Variants in PYY observed in about 807,000 individuals in gnomAD.
The protein encoded by PYY is peptide YY.
Under a neutral mutation model 10.3 loss-of-function variants are expected in PYY, and 12 were observed. The ratio of observed to expected loss-of-function variants is 1.17; its 90% confidence interval spans 0.75 to 1.89. PYY has a LOEUF of 1.89. PYY is among the 40% of genes most tolerant of loss of function. PYY has a pLI of 0.00. For missense variants in PYY, 141 were observed against 134.0 expected (o/e 1.05, Z -0.26); for synonymous variants, 66 against 62.0 (o/e 1.06, Z -0.30).
At chr17:44,002,702 T>C (rs2049036904) in intron 1 of PYY, among the ~76,000 whole-genome samples, 1 of 152,262 alleles carries the variant, frequency 6.6e-6, no homozygotes, top group African/African-American at 2.4e-5. Flanking sequence ...GCTCCACGGC[T>C]TGTGAGCTGA....
chr17:43,957,238 A>G (rs1241599452), upstream of PYY, among the ~76,000 whole-genome samples: 1 of 152,022 alleles, frequency 6.6e-6, no homozygotes, highest in Non-Finnish European at 1.5e-5. Context: ...CTCATTCAAC[A>G]AGCACTTAAG....
At chr17:43,965,190 T>C (rs2048745761) in intron 2 of PYY, among the ~76,000 whole-genome samples, 1 of 152,116 alleles carries the variant, frequency 6.6e-6, no homozygotes, top group Non-Finnish European at 1.5e-5. Context: ...AAATAAAAAT[T>C]GTATATATGG....
rs575209234 is a variant in PYY at position 43,964,421 on chromosome 17, A to G, written c.-218+1867T>C. Reference sequence around the variant, plus strand: ...CCAAAATGACTAGAAAAACATTGACATAAGGCCTGGTGATGAGCATTAAGT... The same window carrying G: ...CCAAAATGACTAGAAAAACATTGACGTAAGGCCTGGTGATGAGCATTAAGT... On this transcript the variant is annotated intron_variant, in intron 2 of 6. Transcript: ENST00000360085. Among the ~76,000 whole-genome samples, 182 of 152,346 alleles carry G rather than the reference A, an allele frequency of 1.2e-3. 1 individual carries two copies. The highest frequency in any genetic ancestry group is 4.0e-3 in the African/African-American group (168 of 41,598).
chr17:43,986,446 G>A (rs2048916580), intron 1 of PYY, among the ~76,000 whole-genome samples: 1 of 151,584 alleles, frequency 6.6e-6, no homozygotes, highest in Non-Finnish European at 1.5e-5. Flanking sequence ...CCCAAGACTG[G>A]GTCATGTGGC....
At chr17:43,982,789 C>A (rs112019517) in intron 1 of PYY, among the ~76,000 whole-genome samples, 1 of 152,212 alleles carries the variant, frequency 6.6e-6, no homozygotes. Context: ...CTGTGTTCAA[C>A]GGGCTGCTCC....
intron 2 of PYY, among the ~76,000 whole-genome samples, chr17:43,965,816 A>AAAAAGAG (rs1555617405): frequency 4.2e-5 from 6 of 142,612 alleles, no homozygotes; most frequent in African/African-American, 1.5e-4. Context: ...AAAAAAAAAA[A>AAAAAGAG]AGAGAGAGAA....
At chr17:43,997,043 TTTTTG>T (rs2048996723) in intron 1 of PYY, among the ~76,000 whole-genome samples, 1 of 151,482 alleles carries the variant, frequency 6.6e-6, no homozygotes, top group East Asian at 1.9e-4. Context: ...GTTTGGTTGT[TTTTTG>T]TTTTGTTTTG....
intron 1 of PYY, among the ~76,000 whole-genome samples, chr17:43,989,291 G>A (rs1198122835): frequency 6.6e-6 from 1 of 151,884 alleles, no homozygotes; most frequent in Non-Finnish European, 1.5e-5. Context: ...GGAGAATGGT[G>A]TGAACCCAGG....
intron 1 of PYY, among the ~76,000 whole-genome samples, chr17:43,992,123 G>GAAAA (rs11396568): frequency 6.6e-5 from 8 of 120,508 alleles, no homozygotes; most frequent in Non-Finnish European, 1.1e-4. Context: ...CTGTCTCAAA[G>GAAAA]AAAAAAAAAA....
intron 1 of PYY, among the ~76,000 whole-genome samples, chr17:43,979,403 C>T (rs1161232137): frequency 1.3e-5 from 2 of 152,164 alleles, no homozygotes; most frequent in African/African-American, 4.8e-5. Context: ...ACCGATAAAA[C>T]ATCAGGGAAG....
chr17:43,963,102 A>G (rs1209796480), intron 2 of PYY, among the ~76,000 whole-genome samples: 1 of 152,242 alleles, frequency 6.6e-6, no homozygotes, highest in Admixed American at 6.5e-5. Context: ...TTGTGAAGTT[A>G]GAAAAACTCT....
chr17:43,999,026 G>A (rs1055727045), intron 1 of PYY, among the ~76,000 whole-genome samples: 15 of 152,152 alleles, frequency 9.9e-5, no homozygotes, highest in African/African-American at 3.4e-4. Context: ...GATCCCGAGA[G>A]AGAGAAAGTA....
intron 1 of PYY, among the ~76,000 whole-genome samples, chr17:43,980,409 C>A (rs2048875203): frequency 6.7e-6 from 1 of 150,246 alleles, no homozygotes; most frequent in Non-Finnish European, 1.5e-5. Context: ...GGTGATACGC[C>A]CGCCTCGGCC....
rs1169591671 is a variant in PYY at position 43,987,947 on chromosome 17, G to A, written c.-463+16444C>T. Among the ~76,000 whole-genome samples, 5 of 152,142 alleles carry A rather than the reference G, an allele frequency of 3.3e-5. No homozygotes were observed. The highest frequency in any genetic ancestry group is 3.8e-4 in the East Asian group (2 of 5,204). On this transcript the variant is annotated intron_variant, in intron 1 of 6. Coordinates refer to the PYY transcript ENST00000360085. The surrounding 1 kb of genome is among the most constrained non-coding windows in gnomAD (Gnocchi z 4.0). Reference sequence around the variant, plus strand: ...TCCATCTGTCCTGTCCAGTCCCCACGCCGGAAGTCCTCACAGCAGTCTGCT... The same window carrying A: ...TCCATCTGTCCTGTCCAGTCCCCACACCGGAAGTCCTCACAGCAGTCTGCT...
chr17:43,981,422 G>A (rs112872842), intron 1 of PYY, among the ~76,000 whole-genome samples: 1,699 of 152,094 alleles, frequency 0.011, 30 homozygotes, highest in African/African-American at 0.038. Flanking sequence ...TGGATGGGTG[G>A]TGGTATCTCA....
At chr17:43,989,589 T>A (rs1235289750) in intron 1 of PYY, among the ~76,000 whole-genome samples, 1 of 151,664 alleles carries the variant, frequency 6.6e-6, no homozygotes, top group African/African-American at 2.4e-5. Context: ...TCTCAATAAC[T>A]GTTTTTTAAA....
In PYY at chr17:43,972,180, AT is replaced by A. The variant is rs1345956500; in HGVS notation, c.-462-5649del. On this transcript the variant is annotated intron_variant, in intron 1 of 6. Coordinates refer to the PYY transcript ENST00000360085. ...TTTATGTTACTTTAGTTATTTATTT[AT>A]TTTATTTTATTTTATTTATTTATTT... Among the ~76,000 whole-genome samples, 44 of 138,450 alleles carry A rather than the reference AT, an allele frequency of 3.2e-4. No individual in the cohort carries two copies. In the South Asian group the frequency reaches 3.4e-3, roughly 11 times the overall value. 90.8% of individuals were successfully genotyped at this position (138,450 alleles called of 152,430 possible).
At chr17:43,997,925 A>G (rs2049001608) in intron 1 of PYY, among the ~76,000 whole-genome samples, 2 of 151,712 alleles carry the variant, frequency 1.3e-5, no homozygotes, top group African/African-American at 4.8e-5. Flanking sequence ...ATCAAGAATG[A>G]CCATAGATTG....
At position 43,963,570 on chromosome 17, in the gene PYY, A is replaced by AAAAGAAAGAAAGAAAGAAAGAAAG. The variant is rs1162426873; in HGVS notation, c.-218+2694_-218+2717dup. ...AAGGGAAGGAAGGAAGGAAGGAAGG[A>AAAAGAAAGAAAGAAAGAAAGAAAG]AAAGAAAGAAAGAAAGAAAGAAAGA... On this transcript the variant is annotated intron_variant, in intron 2 of 6. Coordinates refer to the PYY transcript ENST00000360085. 8.6e-4 allele frequency among the ~76,000 whole-genome samples: 90 copies of AAAAGAAAGAAAGAAAGAAAGAAAG among 104,668 alleles called. 1 individual carries two copies. Among genetic ancestry groups the AAAAGAAAGAAAGAAAGAAAGAAAG allele is most frequent in the Middle Eastern group, 4.1e-3 (1 of 244 alleles). The allele number at this position is 104,668 out of a possible 152,430, so 68.7% of individuals were successfully genotyped here. A position where few individuals can be genotyped will look rare whatever the true frequency, so the allele number is the denominator to read the frequency against.
Sources: gnomAD v4.1 joint callset for allele counts (sites outside exome capture counted in the v4.1 genomes callset) on GRCh38, gnomAD v4.1.1 for gene constraint, Gnocchi (gnomAD v3.1) non-coding constraint, MANE v1.5 for transcripts, NCBI Gene and HGNC (gene_info 2026-07-23, HGNC 2026-07-21) for gene names.